Variants in ARFIP1 observed in about 807,000 individuals in gnomAD.
ARFIP1 encodes the protein ARF interacting protein 1.
A neutral mutation model predicts 42.5 loss-of-function variants in ARFIP1; 24 were observed. The observed-to-expected ratio is 0.57, with a 90% CI of 0.41 to 0.80. The LOEUF (loss-of-function observed/expected upper bound fraction) is 0.80. Among genes scored for constraint, ARFIP1 ranks in the 30% least tolerant of loss-of-function variants. The pLI, the probability that ARFIP1 is intolerant of heterozygous loss-of-function variation, is 0.00. For synonymous variants in ARFIP1, 141 were observed against 153.7 expected (o/e 0.92, Z 0.61); for missense variants, 354 against 434.0 (o/e 0.82, Z 1.64).
intron 1 of ARFIP1, among the ~76,000 whole-genome samples, chr4:152,804,297 A>ATAATATATAATATAACATG: frequency 1.4e-5 from 1 of 69,130 alleles, no homozygotes; most frequent in African/African-American, 6.8e-5. Flanking sequence ...TGTATTATAT[A>ATAATATATAATATAACATG]TATTATATAT....
intron 1 of ARFIP1, chr4:152,796,686 A>G: frequency 3.4e-6 from 3 of 885,248 alleles, no homozygotes; most frequent in South Asian, 1.4e-5. Context: ...GGCGCTGTTT[A>G]TGATTAAGCT....
At position 152,881,317 on chromosome 4, in the gene ARFIP1, C is replaced by T. The variant is rs116450660; in HGVS notation, c.633+133C>T. 5 of 718,366 alleles carry T rather than the reference C, an allele frequency of 7.0e-6. No homozygotes were observed. The South Asian group carries it at 8.9e-5, about 13-fold the overall frequency. 44.5% of individuals were successfully genotyped at this position (718,366 alleles called of 1,614,324 possible). On this transcript the variant is annotated intron_variant, in intron 6 of 8. Transcript: ENST00000353617. ...TCTGAGATTCTCTTTTAAGATATTT[C>T]ATATCACTTTAAGAAGGCCCTCTTA... is the stretch of plus-strand genomic sequence containing the variant.
chr4:152,888,161 T>C lies in ARFIP1; in HGVS notation c.820T>C (p.Leu274=), dbSNP rs1206598017. 1.9e-6 allele frequency: 3 copies of C among 1,610,718 alleles called. No individual in the cohort carries two copies. The highest frequency in any genetic ancestry group is 2.5e-6 in the Non-Finnish European group (3 of 1,178,662). ...TGAATATGATGCATATCGCACTGAT[T>C]TGGAAGAACTGAATCTTGGACCACG... The part of the protein sequence containing the change: ...RIEYDAYRTD[L]EELNLGPRDA... The change falls in exon 8 of 9, where the codon TTG becomes CTG. Residue 274 remains leucine (L), a synonymous_variant. Transcript: ENST00000353617.
At chr4:152,844,494 CT>C (rs1462840890) in intron 2 of ARFIP1, among the ~76,000 whole-genome samples, 1 of 151,804 alleles carries the variant, frequency 6.6e-6, no homozygotes, top group Non-Finnish European at 1.5e-5. Context: ...ATTAAATTCT[CT>C]TTTTAAAGAT....
chr4:152,846,007 C>A (rs895593086), intron 2 of ARFIP1, among the ~76,000 whole-genome samples: 1 of 152,166 alleles, frequency 6.6e-6, no homozygotes, highest in East Asian at 1.9e-4. Context: ...AAATACTGTG[C>A]AGCCATAAAA....
At chr4:152,789,971 A>G (rs1171399274) in intron 1 of ARFIP1, among the ~76,000 whole-genome samples, 1 of 152,224 alleles carries the variant, frequency 6.6e-6, no homozygotes, top group African/African-American at 2.4e-5. Flanking sequence ...GGAGAATAGT[A>G]TTAGAAACCA....
At chr4:152,838,336 T>C (rs1459549166) in intron 2 of ARFIP1, among the ~76,000 whole-genome samples, 2 of 152,140 alleles carry the variant, frequency 1.3e-5, no homozygotes, top group Non-Finnish European at 2.9e-5. Context: ...TGATGGTGAC[T>C]GCATTGACTT....
intron 1 of ARFIP1, among the ~76,000 whole-genome samples, chr4:152,800,292 G>A (rs1728290881): frequency 6.6e-6 from 1 of 152,238 alleles, no homozygotes. Flanking sequence ...AACATTCATT[G>A]AGGGCCTATT....
chr4:152,829,461 G>A (rs1731097884), intron 1 of ARFIP1, among the ~76,000 whole-genome samples, 164 bp from the exon 2 acceptor site: 1 of 152,162 alleles, frequency 6.6e-6, no homozygotes, highest in African/African-American at 2.4e-5. Flanking sequence ...AAAGCAGCCA[G>A]ATGGAATTTT....
At chr4:152,865,586 T>C (rs1734258478) in intron 3 of ARFIP1, among the ~76,000 whole-genome samples, 1 of 152,236 alleles carries the variant, frequency 6.6e-6, no homozygotes, top group African/African-American at 2.4e-5. Flanking sequence ...GTGAAATGAA[T>C]GGACTGTCTA....
At chr4:152,801,362 G>A (rs1728406150) in intron 1 of ARFIP1, among the ~76,000 whole-genome samples, 1 of 152,122 alleles carries the variant, frequency 6.6e-6, no homozygotes, top group African/African-American at 2.4e-5. Context: ...AAAAATATTA[G>A]TAAGATTGGT....
chr4:152,866,192 T>C (rs1734318798), intron 3 of ARFIP1, among the ~76,000 whole-genome samples: 1 of 152,142 alleles, frequency 6.6e-6, no homozygotes, highest in Non-Finnish European at 1.5e-5. Flanking sequence ...GGGGGTAAGG[T>C]CATAGATCAA....
rs890861359 is a variant in ARFIP1 at position 152,862,548 on chromosome 4, T to C, written c.94-1058T>C. Reference sequence around the variant, plus strand: ...TACATCAAGAAAAGGTGTAATGGTTTAGAAAAAATATATAACAGTAGTTAT... The same window carrying C: ...TACATCAAGAAAAGGTGTAATGGTTCAGAAAAAATATATAACAGTAGTTAT... On this transcript the variant is annotated intron_variant, in intron 2 of 8. Coordinates refer to ENST00000353617, the MANE Select transcript of ARFIP1 (RefSeq NM_001025595.3). Among the ~76,000 whole-genome samples, 11 of 152,178 alleles carry C rather than the reference T, an allele frequency of 7.2e-5. 1 individual carries two copies. Among genetic ancestry groups the C allele is most frequent in the African/African-American group, 2.7e-4 (11 of 41,432 alleles).
intron 2 of ARFIP1, among the ~76,000 whole-genome samples, chr4:152,846,589 GAATA>G (rs2149861169): frequency 6.6e-6 from 1 of 150,672 alleles, no homozygotes; most frequent in South Asian, 2.1e-4. Flanking sequence ...TTTTTCTGAG[GAATA>G]AATAGGAAAA....
At chr4:152,835,915 C>T (rs568927505) in intron 2 of ARFIP1, among the ~76,000 whole-genome samples, 8 of 152,004 alleles carry the variant, frequency 5.3e-5, no homozygotes, top group Non-Finnish European at 8.8e-5. Context: ...AGAGCAGGAG[C>T]AAGAGAGAAA....
chr4:152,902,581 CAA>C (rs1454495311), intron 8 of ARFIP1, among the ~76,000 whole-genome samples: 2 of 152,120 alleles, frequency 1.3e-5, no homozygotes, highest in Non-Finnish European at 2.9e-5. Flanking sequence ...AAGGTGTTTC[CAA>C]AAGTTAGTGC....
At chr4:152,894,094 G>T (rs1427981981) in intron 8 of ARFIP1, among the ~76,000 whole-genome samples, 1 of 151,532 alleles carries the variant, frequency 6.6e-6, no homozygotes, top group African/African-American at 2.4e-5. Flanking sequence ...CATAATTCCA[G>T]CTACTCCCAA....
At chr4:152,890,453 G>C (rs1046271663) in intron 8 of ARFIP1, among the ~76,000 whole-genome samples, 4 of 152,092 alleles carry the variant, frequency 2.6e-5, no homozygotes, top group Non-Finnish European at 5.9e-5. Flanking sequence ...AAGTCATTTA[G>C]AAAGTCTCTT....
At chr4:152,871,867 G>C (rs966346033) in intron 4 of ARFIP1, among the ~76,000 whole-genome samples, 2 of 151,004 alleles carry the variant, frequency 1.3e-5, no homozygotes, top group Non-Finnish European at 3.0e-5. Context: ...GTGGTCTCTT[G>C]AGAAAAAAGA....
Sources: allele counts gnomAD v4.1 joint callset (sites outside exome capture counted in the v4.1 genomes callset), GRCh38; gene constraint gnomAD v4.1.1; transcripts MANE v1.5; gene names NCBI Gene and HGNC (gene_info 2026-07-23, HGNC 2026-07-21).